Variants in BSN observed in about 807,000 individuals in gnomAD.
BSN encodes the protein bassoon presynaptic cytomatrix protein.
In BSN, 57 loss-of-function variants were observed where a neutral mutation model predicts 264.8. The ratio of observed to expected loss-of-function variants is 0.22; its 90% CI spans 0.17 to 0.27. The LOEUF (loss-of-function observed/expected upper bound fraction) is 0.27. Ranked by LOEUF, BSN falls within the 10% of genes least tolerant of loss-of-function variation. The pLI is 1.00. For synonymous variants in BSN, 2,059 were observed against 2,137.3 expected, an observed-to-expected ratio of 0.96 and a Z score of 1.01; for missense variants, 4,615 against 5,232.5, an observed-to-expected ratio of 0.88 and a Z score of 3.64.
intron 1 of BSN, among the ~76,000 whole-genome samples, chr3:49,617,972 G>C (rs1026285883): frequency 1.3e-5 from 2 of 152,150 alleles, no homozygotes; most frequent in Non-Finnish European, 2.9e-5. Context: ...ATGGGGCATT[G>C]TTGAGTGCTC....
rs373596361 is a variant in BSN at position 49,652,420 on chromosome 3, G to A, written c.2864G>A (p.Ser955Asn). The A allele has an allele frequency of 1.2e-6, 2 of 1,612,368 alleles. No homozygotes were observed. The highest frequency in any genetic ancestry group is 1.3e-5 in the African/African-American group (1 of 75,034). ...ELDLGQGPDP[S>N]LDREPELEME... ...GACCTGGGCCAAGGCCCAGACCCCA[G>A]TCTGGACCGGGAGCCTGAGCTGGAG... Residue 955 changes from serine to asparagine, a missense_variant, in exon 5 of 12, where the codon AGT becomes AAT. This residue lies in a region of BSN where 1,197 missense variants were observed against 1,348.0 expected (regional missense o/e 0.89). Coordinates refer to ENST00000296452, the MANE Select transcript of BSN (RefSeq NM_003458.4).
chr3:49,651,302 G>C lies in BSN; in HGVS notation c.1986+223G>C, dbSNP rs1186992328. Reference sequence around the variant, plus strand: ...TGTCTGGCACCTTGTCAGATGCTTTGCTGGGTTTTGATACCCTTTGATCTA... The same window carrying C: ...TGTCTGGCACCTTGTCAGATGCTTTCCTGGGTTTTGATACCCTTTGATCTA... On this transcript the variant is annotated intron_variant, in intron 4 of 11. Transcript: ENST00000296452. The surrounding 1 kb of genome is among the most constrained non-coding windows in gnomAD (Gnocchi z 5.4). 1.4e-5 allele frequency: 9 copies of C among 638,932 alleles called. No individual in the cohort carries two copies. In the Admixed American group the frequency reaches 2.3e-4, roughly 16 times the overall value. 39.6% of individuals were successfully genotyped at this position (638,932 alleles called of 1,614,324 possible). A position where few individuals can be genotyped will look rare whatever the true frequency, so the allele number is the denominator to read the frequency against.
At chr3:49,605,547 ATTTT>A (rs2052118109) in intron 1 of BSN, among the ~76,000 whole-genome samples, 1 of 4,182 alleles carries the variant, frequency 2.4e-4, no homozygotes. Flanking sequence ...TATTATATAT[ATTTT>A]ATATAATATA....
chr3:49,635,739 C>T (rs2052415722), intron 2 of BSN, among the ~76,000 whole-genome samples: 1 of 152,000 alleles, frequency 6.6e-6, no homozygotes, highest in South Asian at 2.1e-4. Flanking sequence ...CTTTGAGAGG[C>T]GAAGGTGGGA....
In BSN at chr3:49,652,297, C is replaced by T. The variant is rs140528674; in HGVS notation, c.2741C>T (p.Ser914Leu). ...GYEELLPEGG[S>L]AEATDGSGTL... ...GAGGAGCTGCTCCCTGAGGGAGGCT[C>T]AGCAGAGGCTACCGATGGCAGTGGG... is the stretch of plus-strand genomic sequence containing the variant. Residue 914 changes from serine (S) to leucine (L), a missense_variant, in exon 5 of 12, where the codon TCA (serine) becomes TTA (leucine). Ser to Leu is a moderately radical substitution (Grantham distance 145). Coordinates refer to ENST00000296452, the MANE Select transcript of BSN (RefSeq NM_003458.4). The T allele has an allele frequency of 4.4e-6, 7 of 1,597,110 alleles. No individual in the cohort carries two copies. The highest frequency in any genetic ancestry group is 4.0e-5 in the African/African-American group (3 of 74,350).
chr3:49,611,774 A>G (rs1471444620), intron 1 of BSN, among the ~76,000 whole-genome samples: 3 of 152,198 alleles, frequency 2.0e-5, no homozygotes, highest in Admixed American at 6.5e-5. Flanking sequence ...AGAAATGTCA[A>G]TGTCTTGGGT....
At position 49,662,332 on chromosome 3, in the gene BSN, C is replaced by G. The variant is rs1265621155; in HGVS notation, c.10487C>G (p.Pro3496Arg). The G allele has an allele frequency of 1.2e-6, 2 of 1,613,486 alleles. No individual in the cohort carries two copies. The highest frequency in any genetic ancestry group is 1.7e-6 in the Non-Finnish European group (2 of 1,179,796). The change falls in exon 6 of 12, where the codon CCC (proline) becomes CGC (arginine). Residue 3496 changes from proline (P) to arginine (R), a missense_variant. This residue lies in a region of BSN where 3,415 missense variants were observed against 3,866.4 expected (regional missense o/e 0.88). Transcript: ENST00000296452. ...ATGGCCCACAGCCGGGTACGACCCCCCATGCGGAGCCAGGCCTCTGAAGAG... is the reference window on the plus strand; with the variant it reads ...ATGGCCCACAGCCGGGTACGACCCCGCATGCGGAGCCAGGCCTCTGAAGAG... The part of the protein sequence containing the change: ...LSMAHSRVRP[P>R]MRSQASEEES...
chr3:49,645,622 T>C (rs1437068873), intron 3 of BSN, among the ~76,000 whole-genome samples: 1 of 152,204 alleles, frequency 6.6e-6, no homozygotes, highest in Non-Finnish European at 1.5e-5. Context: ...GGGCTGGTGC[T>C]GATATGTTCA....
At chr3:49,600,771 T>C (rs1261546808) in intron 1 of BSN, among the ~76,000 whole-genome samples, 1 of 151,996 alleles carries the variant, frequency 6.6e-6, no homozygotes, top group Non-Finnish European at 1.5e-5. Context: ...GTCACTGCAC[T>C]CCAGTCTGGG....
rs1448474151 is a variant in BSN, at chr3:49,656,337, T to C, written c.6781T>C (p.Tyr2261His). 4 of 1,610,706 alleles carry C rather than the reference T, an allele frequency of 2.5e-6. No homozygotes were observed. The highest frequency in any genetic ancestry group is 2.2e-5 in the South Asian group (2 of 90,702). Residue 2261 changes from tyrosine to histidine, a missense_variant, in exon 5 of 12, where the codon TAT (tyrosine) becomes CAT (histidine). Around this residue, in one of 3 missense-constraint regions of BSN, gnomAD observed 3,415 missense variants for 3,866.4 expected, o/e 0.88. Transcript: ENST00000296452. Reference protein sequence around the residue: ...VPLGPTGLYRYPAPSRFPIAS... With the variant: ...VPLGPTGLYRHPAPSRFPIAS... ...TCTTGGACCCACAGGGCTGTACCGC[T>C]ATCCTGCACCAAGTAGATTTCCCAT...
chr3:49,649,752 C>G (rs183466511), intron 3 of BSN, among the ~76,000 whole-genome samples: 3 of 152,346 alleles, frequency 2.0e-5, no homozygotes, highest in African/African-American at 4.8e-5. Context: ...CAGTGCCTGT[C>G]TGTCTGCTGA....
chr3:49,601,298 G>A (rs1370365322), intron 1 of BSN, among the ~76,000 whole-genome samples: 1 of 152,216 alleles, frequency 6.6e-6, no homozygotes, highest in Non-Finnish European at 1.5e-5. Context: ...GGTGGCAATC[G>A]TTAGAGCCAC....
At chr3:49,646,804 G>A (rs1313345461) in intron 3 of BSN, among the ~76,000 whole-genome samples, 3 of 152,208 alleles carry the variant, frequency 2.0e-5, no homozygotes, top group Non-Finnish European at 4.4e-5. Context: ...GGGGGTGAGG[G>A]GGTTACAGCC....
rs1302075540 is a variant in BSN at position 49,573,518 on chromosome 3, C to A, written c.224+18692C>A. On this transcript the variant is annotated intron_variant, in intron 1 of 11. Transcript: ENST00000296452. ...CTCCTCCCCAGCTTTTTCCTCTGGG[C>A]TCCAACAGGAGCTCACTGCCCCTCC... is the stretch of plus-strand genomic sequence containing the variant. Among the ~76,000 whole-genome samples, 3 of 152,144 alleles carry A rather than the reference C, an allele frequency of 2.0e-5. No homozygotes were observed. In the East Asian group the frequency reaches 5.8e-4, roughly 29 times the overall value.
chr3:49,668,902 G>A lies in BSN; in HGVS notation c.*1417G>A, dbSNP rs1057240470. The A allele has an allele frequency of 6.6e-6, 1 of 152,632 alleles. No individual in the cohort carries two copies. The highest frequency in any genetic ancestry group is 2.1e-4 in the South Asian group (1 of 4,834). 9.5% of individuals were successfully genotyped at this position (152,632 alleles called of 1,614,324 possible). A position where few individuals can be genotyped will look rare whatever the true frequency, so the allele number is the denominator to read the frequency against. ...TAATATTTAATAAATTCCATGTTAT[G>A]TATAAGGAGTTAATTGCAAACATGC... On this transcript the variant is annotated 3_prime_UTR_variant, in exon 12 of 12. Transcript: ENST00000296452.
intron 1 of BSN, among the ~76,000 whole-genome samples, chr3:49,589,312 T>C (rs1388137096): frequency 6.6e-6 from 1 of 151,994 alleles, no homozygotes; most frequent in Admixed American, 6.6e-5. Context: ...GTTCTATCCA[T>C]TATTATAAAG....
chr3:49,656,254 T>C lies in BSN; in HGVS notation c.6698T>C (p.Ile2233Thr), dbSNP rs78321291. Reference protein sequence around the residue: ...GMYRPYASGGITAVPLTSLTR... With the variant: ...GMYRPYASGGTTAVPLTSLTR... Reference sequence around the variant, plus strand: ...TACAGGCCTTACGCATCTGGTGGAATCACAGCCGTGCCACTCACCAGTCTG... The same window carrying C: ...TACAGGCCTTACGCATCTGGTGGAACCACAGCCGTGCCACTCACCAGTCTG... Residue 2233 changes from isoleucine (I) to threonine (T), a missense_variant, in exon 5 of 12, where the codon ATC becomes ACC. Physicochemically the swap from Ile to Thr is moderately conservative, Grantham distance 89. Around this residue, in one of 3 missense-constraint regions of BSN, gnomAD observed 3,415 missense variants for 3,866.4 expected, o/e 0.88. Coordinates refer to ENST00000296452, the MANE Select transcript of BSN (RefSeq NM_003458.4). 1.2e-6 allele frequency: 2 copies of C among 1,612,334 alleles called. No homozygotes were observed. The highest frequency in any genetic ancestry group is 1.7e-6 in the Non-Finnish European group (2 of 1,179,424).
At position 49,670,614 on chromosome 3, in the gene BSN, A is replaced by G. The variant is rs2052747726; in HGVS notation, c.*3129A>G. ...GAGGGACCAGCACTTGGTGCCTTGG[A>G]AAGTAGAGAGCAACAGACACATCTC... is the stretch of plus-strand genomic sequence containing the variant. On this transcript the variant is annotated 3_prime_UTR_variant, in exon 12 of 12. Coordinates refer to ENST00000296452, the MANE Select transcript of BSN (RefSeq NM_003458.4). 1 of 152,298 alleles carries G rather than the reference A, an allele frequency of 6.6e-6. No individual in the cohort carries two copies. The allele number at this position is 152,298 out of a possible 1,614,324, so 9.4% of individuals were successfully genotyped here. A position where few individuals can be genotyped will look rare whatever the true frequency, so the allele number is the denominator to read the frequency against.
intron 1 of BSN, among the ~76,000 whole-genome samples, chr3:49,612,602 A>G (rs2108046909): frequency 6.6e-6 from 1 of 152,310 alleles, no homozygotes; most frequent in South Asian, 2.1e-4. Context: ...GCCCTGTGTG[A>G]TGCCAAGGAG....
Sources: allele counts gnomAD v4.1 joint callset (sites outside exome capture counted in the v4.1 genomes callset), GRCh38; gene constraint gnomAD v4.1.1; regional missense constraint gnomAD v4.1.1; non-coding constraint Gnocchi (gnomAD v3.1); transcripts MANE v1.5; gene names NCBI Gene and HGNC (gene_info 2026-07-23, HGNC 2026-07-21).